LMBRD1: variants seen among roughly 807,000 people sequenced by gnomAD.
LMBRD1 encodes lysosomal cobalamin transport escort protein LMBD1.
LMBRD1 carries 64 observed loss-of-function variants against 74.8 expected under a neutral mutation model. That is an observed-to-expected ratio of 0.86 (90% CI 0.70 to 1.05). LMBRD1 has a LOEUF of 1.05. Ranked by LOEUF, LMBRD1 falls within the 50% of genes least tolerant of loss-of-function variation. LMBRD1 has a pLI of 0.00. For synonymous variants in LMBRD1, 204 were observed against 216.3 expected, an observed-to-expected ratio of 0.94 and a Z score of 0.50; for missense variants, 652 against 645.9, an observed-to-expected ratio of 1.01 and a Z score of -0.10.
chr6:69,767,324 G>T (rs1169378673), intron 3 of LMBRD1, among the ~76,000 whole-genome samples: 1 of 151,450 alleles, frequency 6.6e-6, no homozygotes, highest in East Asian at 1.9e-4. Context: ...TTTTAAAAGA[G>T]GGATTTAAAG....
At chr6:69,780,630 G>C in intron 2 of LMBRD1, 76 bp from the exon 3 acceptor site, 1 of 1,060,460 alleles carries the variant, frequency 9.4e-7, no homozygotes. Flanking sequence ...GTTTTAATAC[G>C]ACTGAATATC....
chr6:69,715,818 T>C (rs903591809), intron 8 of LMBRD1, among the ~76,000 whole-genome samples: 8 of 152,188 alleles, frequency 5.3e-5, no homozygotes, highest in African/African-American at 1.9e-4. Flanking sequence ...TGTTCCCCTC[T>C]ATGTGTCCAT....
chr6:69,726,735 G>A (rs1417131123), intron 7 of LMBRD1, among the ~76,000 whole-genome samples: 2 of 151,272 alleles, frequency 1.3e-5, no homozygotes, highest in African/African-American at 2.4e-5. Context: ...GCTGGGAAGG[G>A]TAGTGAGGCA....
chr6:69,742,664 A>G (rs1170037044), intron 5 of LMBRD1, among the ~76,000 whole-genome samples: 3 of 152,174 alleles, frequency 2.0e-5, no homozygotes, highest in African/African-American at 7.2e-5. Flanking sequence ...GTCCTTCCCA[A>G]CCTAATTTTA....
In LMBRD1 at chr6:69,700,815, TA is replaced by T. The variant is rs1265133686; in HGVS notation, c.1137del (p.Phe379LeufsTer37). The T allele has an allele frequency of 2.0e-6, 3 of 1,511,472 alleles. No homozygotes were observed. Among genetic ancestry groups the T allele is most frequent in the South Asian group, 1.2e-5 (1 of 82,364 alleles). 93.6% of individuals were successfully genotyped at this position (1,511,472 alleles called of 1,614,324 possible). ...ATATTTCGAATTCCTGCCATTGAAG[TA>T]AAAATAAAGTACATAATAATAATTG... ...LITIIIMYFI[F>X]TSMAGIRNIG... is the part of the protein sequence containing the mutation. On this transcript the variant is annotated frameshift_variant, in exon 12 of 16. Coordinates refer to ENST00000649934, the MANE Select transcript of LMBRD1 (RefSeq NM_018368.4). LOFTEE classifies it high-confidence loss of function.
intron 5 of LMBRD1, among the ~76,000 whole-genome samples, chr6:69,747,325 A>G (rs1215197931): frequency 6.6e-6 from 1 of 152,138 alleles, no homozygotes; most frequent in Non-Finnish European, 1.5e-5. Context: ...GGCCTTCTAT[A>G]AGCCAGGAAG....
chr6:69,781,762 T>G (rs919525698), intron 2 of LMBRD1, among the ~76,000 whole-genome samples: 4 of 152,112 alleles, frequency 2.6e-5, no homozygotes, highest in African/African-American at 4.8e-5. Context: ...TATAACAAAT[T>G]TAATAAATGG....
intron 14 of LMBRD1, among the ~76,000 whole-genome samples, chr6:69,695,170 C>T (rs1765966914): frequency 7.4e-6 from 1 of 134,402 alleles, no homozygotes; most frequent in African/African-American, 2.6e-5. Flanking sequence ...GTCTATCATT[C>T]ATCCTTTCTG....
chr6:69,704,264 T>C (rs1766199617), intron 9 of LMBRD1, among the ~76,000 whole-genome samples: 1 of 152,176 alleles, frequency 6.6e-6, no homozygotes, highest in African/African-American at 2.4e-5. Flanking sequence ...TTGTATCCAC[T>C]GATGCCTCTT....
chr6:69,734,990 TCAAAAA>T (rs1345351974), intron 7 of LMBRD1, among the ~76,000 whole-genome samples: 1 of 152,116 alleles, frequency 6.6e-6, no homozygotes, highest in Non-Finnish European at 1.5e-5. Context: ...ACCACACAGT[TCAAAAA>T]CAAAAACAAA....
chr6:69,757,678 A>G (rs1209986899), intron 3 of LMBRD1, among the ~76,000 whole-genome samples: 1 of 152,188 alleles, frequency 6.6e-6, no homozygotes, highest in Non-Finnish European at 1.5e-5. Context: ...TGCTGCCTCC[A>G]CTATCATGAA....
chr6:69,745,403 C>G (rs912224442), intron 5 of LMBRD1, among the ~76,000 whole-genome samples: 1 of 151,396 alleles, frequency 6.6e-6, no homozygotes. Context: ...GGACTACAGG[C>G]GCCCGCCACC....
At chr6:69,733,499 T>C (rs1766907645) in intron 7 of LMBRD1, among the ~76,000 whole-genome samples, 1 of 152,250 alleles carries the variant, frequency 6.6e-6, no homozygotes, top group Admixed American at 6.5e-5. Context: ...TGGCTCATTT[T>C]TACAGATGGG....
intron 14 of LMBRD1, among the ~76,000 whole-genome samples, chr6:69,691,894 A>AG (rs1259642941): frequency 5.3e-5 from 8 of 151,466 alleles, no homozygotes; most frequent in Middle Eastern, 3.4e-3. Flanking sequence ...AAAAAAAAAA[A>AG]AAGAAAGAAA....
At chr6:69,750,335 A>G (rs1258663201) in intron 4 of LMBRD1, among the ~76,000 whole-genome samples, 2 of 151,876 alleles carry the variant, frequency 1.3e-5, no homozygotes, top group African/African-American at 4.8e-5. Context: ...CACATAGGTC[A>G]TAAGTGATTA....
Position 69,703,322 on chromosome 6 carries a change from AT to A in LMBRD1, c.916-1370del, listed in dbSNP as rs368917285. Reference sequence around the variant, plus strand: ...TACTTAGGATTCTCAAGTGAAAAACATTCCTTCCTAATAGCTGTTAACAAAA... The same window carrying A: ...TACTTAGGATTCTCAAGTGAAAAACATCCTTCCTAATAGCTGTTAACAAAA... On this transcript the variant is annotated intron_variant, in intron 9 of 15. Coordinates refer to ENST00000649934, the MANE Select transcript of LMBRD1 (RefSeq NM_018368.4). Among the ~76,000 whole-genome samples the A allele has an allele frequency of 2.7e-4, 41 of 152,142 alleles. 2 individuals carry two copies. The South Asian group carries it at 8.3e-3, about 31-fold the overall frequency.
chr6:69,787,670 C>T (rs1765986591), intron 2 of LMBRD1, among the ~76,000 whole-genome samples: 1 of 152,050 alleles, frequency 6.6e-6, no homozygotes, highest in African/African-American at 2.4e-5. Context: ...CGCTTGAACC[C>T]AGGAGGCGGA....
chr6:69,730,200 T>A (rs1351376734), intron 7 of LMBRD1, among the ~76,000 whole-genome samples: 1 of 152,098 alleles, frequency 6.6e-6, no homozygotes, highest in East Asian at 1.9e-4. Flanking sequence ...ACAAACTACA[T>A]TCCTAATAAC....
chr6:69,726,027 C>T (rs1202620918), intron 7 of LMBRD1, among the ~76,000 whole-genome samples: 1 of 152,058 alleles, frequency 6.6e-6, no homozygotes, highest in East Asian at 1.9e-4. Flanking sequence ...GGAGCTCAAA[C>T]AACTCTACAG....
Sources: gnomAD v4.1 joint callset for allele counts (sites outside exome capture counted in the v4.1 genomes callset) on GRCh38, gnomAD v4.1.1 for gene constraint, MANE v1.5 for transcripts, NCBI Gene and HGNC (gene_info 2026-07-23, HGNC 2026-07-21) for gene names.